The following AOX1 variants were observed in gnomAD, a reference collection of about 807,000 sequenced individuals.
AOX1 encodes aldehyde oxidase.
AOX1 carries 153 observed loss-of-function variants against 169.5 expected under a neutral mutation model. The ratio of observed to expected loss-of-function variants is 0.90; its 90% CI spans 0.79 to 1.03. AOX1 has a LOEUF of 1.03. AOX1 is among the 50% of genes least tolerant of loss of function. The pLI, the probability that AOX1 is intolerant of heterozygous loss-of-function variation, is 0.00. For synonymous variants in AOX1, 562 were observed against 581.9 expected (o/e 0.97, Z 0.49); for missense variants, 1,656 against 1,663.9 (o/e 1.00, Z 0.08).
chr2:200,642,758 G>GT lies in AOX1; in HGVS notation c.2805dup (p.Ile936TyrfsTer13), dbSNP rs1197559949. 6.2e-7 allele frequency: 1 copy of GT among 1,613,898 alleles called. No individual in the cohort carries two copies. The highest frequency in any genetic ancestry group is 1.3e-5 in the African/African-American group (1 of 75,030). ...CAGGCAGCGCTGATCACCGAATCTT[G>GT]TATCACGGAAGTTGCAGCCAAATGT... On this transcript the variant is annotated frameshift_variant, in exon 25 of 35. Coordinates refer to ENST00000374700, the MANE Select transcript of AOX1 (RefSeq NM_001159.4). LOFTEE classifies it high-confidence loss of function.
chr2:200,678,387 C>T (rs1034644100), downstream of AOX1: 3 of 152,180 alleles, frequency 2.0e-5, no homozygotes, highest in Non-Finnish European at 4.4e-5. Context: ...TTATTTTCTT[C>T]AAGCCAGGGT....
At chr2:200,590,765 C>G (rs1370823618) in intron 1 of AOX1, among the ~76,000 whole-genome samples, 1 of 152,214 alleles carries the variant, frequency 6.6e-6, no homozygotes. Context: ...CAGACCCTGT[C>G]TATCCATTAA....
intron 28 of AOX1, among the ~76,000 whole-genome samples, chr2:200,659,766 T>C (rs2035777073): frequency 6.7e-6 from 1 of 149,192 alleles, no homozygotes; most frequent in Non-Finnish European, 1.5e-5. Flanking sequence ...TAGCATGGCT[T>C]ACAAGGCCAG....
Position 200,607,210 on chromosome 2 carries a change from A to G in AOX1, c.907+1582A>G, listed in dbSNP as rs565752762. On this transcript the variant is annotated intron_variant, in intron 10 of 34. Coordinates refer to ENST00000374700, the MANE Select transcript of AOX1 (RefSeq NM_001159.4). The stretch of plus-strand genomic sequence containing the variant: ...ACATGAGGAGATGTTGAATTTTATC[A>G]AAGGCCTTTTCTGCATCTATAGAGA... 3.9e-5 allele frequency among the ~76,000 whole-genome samples: 6 copies of G among 152,310 alleles called. No homozygotes were observed. The South Asian group carries it at 1.2e-3, about 32-fold the overall frequency.
intron 26 of AOX1, among the ~76,000 whole-genome samples, chr2:200,656,078 C>T (rs958453371): frequency 1.2e-4 from 19 of 152,222 alleles, no homozygotes; most frequent in Admixed American, 7.9e-4. Context: ...CACACCCATG[C>T]GGTCAGCACT....
chr2:200,608,954 C>G, intron 10 of AOX1, 30 bp from the exon 11 acceptor site: 1 of 1,605,066 alleles, frequency 6.2e-7, no homozygotes, highest in African/African-American at 1.3e-5. Context: ...AGTGATCGCA[C>G]TGTGTTATTT....
intron 25 of AOX1, among the ~76,000 whole-genome samples, chr2:200,650,031 G>A (rs1366178369): frequency 6.6e-6 from 1 of 152,148 alleles, no homozygotes; most frequent in Non-Finnish European, 1.5e-5. Context: ...GTCTTTAGAA[G>A]GCCCCAGGTC....
At chr2:200,648,975 C>G (rs2715912) in intron 25 of AOX1, among the ~76,000 whole-genome samples, 131,738 of 152,076 alleles carry the variant, frequency 0.87, 57,536 homozygotes, top group Non-Finnish European at 0.91. Context: ...TGCAGGCAGA[C>G]AGTGTGATGG....
intron 22 of AOX1, 47 bp from the exon 23 acceptor site, chr2:200,638,168 C>A (rs376776140): frequency 6.4e-7 from 1 of 1,565,062 alleles, no homozygotes; most frequent in South Asian, 1.1e-5. Flanking sequence ...CCAGAGAATG[C>A]CTGCTAGGTA....
intron 32 of AOX1, among the ~76,000 whole-genome samples, chr2:200,667,969 A>G (rs548940289): frequency 2.1e-4 from 32 of 152,238 alleles, no homozygotes; most frequent in African/African-American, 7.5e-4. Flanking sequence ...TGGGCAAAAA[A>G]CAAAAGAAGA....
intron 3 of AOX1, 66 bp downstream of exon 3, chr2:200,595,434 A>T (rs950859684): frequency 8.5e-7 from 1 of 1,173,404 alleles, no homozygotes; most frequent in Non-Finnish European, 1.2e-6. Flanking sequence ...ATATTCCTTC[A>T]TTTGGTAAAT....
At chr2:200,661,367 C>A (rs868190411) in intron 29 of AOX1, among the ~76,000 whole-genome samples, 19 of 152,146 alleles carry the variant, frequency 1.2e-4, no homozygotes, top group African/African-American at 4.6e-4. Flanking sequence ...CATACCACAG[C>A]GGGCATTTAG....
chr2:200,615,730 A>T (rs2034741606), intron 15 of AOX1, among the ~76,000 whole-genome samples: 1 of 152,230 alleles, frequency 6.6e-6, no homozygotes, highest in Non-Finnish European at 1.5e-5. Context: ...GGTGGAAGCC[A>T]GTTACCTACC....
chr2:200,604,135 C>A (rs777545751), intron 8 of AOX1, 38 bp downstream of exon 8: 2 of 1,444,086 alleles, frequency 1.4e-6, no homozygotes, highest in Non-Finnish European at 9.7e-7. Flanking sequence ...TAGAAGAATT[C>A]ATGGTGAAAT....
chr2:200,668,591 ATTCTT>A lies in AOX1; in HGVS notation c.3610-21_3610-17del. ...TGACTGTGTTTTCTCATACGTGGAA[ATTCTT>A]TTTTTGTTCTTGCCTCAGATTGAAG... is the stretch of plus-strand genomic sequence containing the variant. On this transcript the variant is annotated intron_variant, in intron 32 of 34. Coordinates refer to ENST00000374700, the MANE Select transcript of AOX1 (RefSeq NM_001159.4). The A allele has an allele frequency of 6.3e-7, 1 of 1,579,962 alleles. No individual in the cohort carries two copies. Among genetic ancestry groups the A allele is most frequent in the South Asian group, 1.2e-5 (1 of 85,224 alleles).
Position 200,662,902 on chromosome 2 carries a change from TCG to T in AOX1, c.3477_3478del (p.Phe1159LeufsTer13), listed in dbSNP as rs1465410990. On this transcript the variant is annotated frameshift_variant, in exon 31 of 35. Coordinates refer to ENST00000374700, the MANE Select transcript of AOX1 (RefSeq NM_001159.4). LOFTEE classifies it high-confidence loss of function. ...TGGGAGAAAGGCGAAGGCCAGCCCTTCGAATACTTTGTTTATGGAGCTGCCTG... is the reference window on the plus strand; with the variant it reads ...TGGGAGAAAGGCGAAGGCCAGCCCTTAATACTTTGTTTATGGAGCTGCCTG... 1 of 1,614,070 alleles carries T rather than the reference TCG, an allele frequency of 6.2e-7. No homozygotes were observed. Among genetic ancestry groups the T allele is most frequent in the Non-Finnish European group, 8.5e-7 (1 of 1,179,950 alleles).
At chr2:200,673,055 G>A (rs141267031), downstream of AOX1, among the ~76,000 whole-genome samples, 726 of 152,314 alleles carry the variant, frequency 4.8e-3, 5 homozygotes, top group African/African-American at 0.017. Flanking sequence ...CTGTTGCAAA[G>A]GATTATCCTG....
downstream of AOX1, among the ~76,000 whole-genome samples, chr2:200,672,451 A>G (rs568726084): frequency 1.3e-5 from 2 of 152,352 alleles, no homozygotes; most frequent in East Asian, 3.9e-4. Flanking sequence ...GAAAAACGCC[A>G]TTTCCGTTAA....
chr2:200,607,471 A>G (rs1427940431), intron 10 of AOX1, among the ~76,000 whole-genome samples: 1 of 152,134 alleles, frequency 6.6e-6, no homozygotes, highest in Non-Finnish European at 1.5e-5. Flanking sequence ...GAAACAATAA[A>G]TGCTGGCAAG....
Sources: gnomAD v4.1 joint callset for allele counts (sites outside exome capture counted in the v4.1 genomes callset) on GRCh38, gnomAD v4.1.1 for gene constraint, MANE v1.5 for transcripts, NCBI Gene and HGNC (gene_info 2026-07-23, HGNC 2026-07-21) for gene names.